The following SLC14A2 variants were observed in gnomAD, a reference collection of about 807,000 sequenced individuals.
SLC14A2 encodes urea transporter 2.
Under a neutral mutation model 104.6 loss-of-function variants are expected in SLC14A2, and 91 were observed. The observed-to-expected ratio is 0.87, with a 90% CI of 0.73 to 1.04. The LOEUF is 1.04. Among genes scored for constraint, SLC14A2 ranks in the 50% least tolerant of loss-of-function variants. The pLI is 0.00. For missense variants in SLC14A2, 1,189 were observed against 1,156.0 expected (o/e 1.03, Z -0.41); for synonymous variants, 476 against 466.4 (o/e 1.02, Z -0.27).
intron 1 of SLC14A2, among the ~76,000 whole-genome samples, chr18:45,256,353 C>T (rs960663020): frequency 2.0e-5 from 3 of 152,212 alleles, no homozygotes; most frequent in African/African-American, 7.2e-5. Flanking sequence ...TTGACATCAT[C>T]TTCATTTCAA....
In SLC14A2 at chr18:45,309,013, T is replaced by C. The variant is rs559098340; in HGVS notation, c.-125+95822T>C. ...CGTACTTCTCCCTTCCCTGTTCTCCTGGCATTATTTCTACAGAATATCTGA... is the reference window on the plus strand; with the variant it reads ...CGTACTTCTCCCTTCCCTGTTCTCCCGGCATTATTTCTACAGAATATCTGA... On this transcript the variant is annotated intron_variant, in intron 1 of 20. Coordinates refer to the SLC14A2 transcript ENST00000586448. 1.0e-3 allele frequency among the ~76,000 whole-genome samples: 157 copies of C among 152,328 alleles called. 1 individual carries two copies. Among genetic ancestry groups the C allele is most frequent in the African/African-American group, 3.4e-3 (143 of 41,572 alleles).
intron 1 of SLC14A2, among the ~76,000 whole-genome samples, chr18:45,320,127 A>G (rs2085170501): frequency 6.6e-6 from 1 of 152,236 alleles, no homozygotes; most frequent in Non-Finnish European, 1.5e-5. Flanking sequence ...AAAATTAAAA[A>G]GTACTTTCAC....
At chr18:45,264,648 GAC>G (rs1018149732) in intron 1 of SLC14A2, among the ~76,000 whole-genome samples, 3 of 152,242 alleles carry the variant, frequency 2.0e-5, no homozygotes, top group Middle Eastern at 6.8e-3. Flanking sequence ...GAGAATGAGA[GAC>G]AACCGGAAGG....
At chr18:45,232,243 G>A (rs2084182065) in intron 1 of SLC14A2, among the ~76,000 whole-genome samples, 1 of 152,160 alleles carries the variant, frequency 6.6e-6, no homozygotes, top group Admixed American at 6.5e-5. Context: ...AATTATGGTG[G>A]AAGGTAAAGG....
upstream of SLC14A2, chr18:45,212,856 G>C (rs1054519786): frequency 6.6e-6 from 1 of 152,086 alleles, no homozygotes; most frequent in Non-Finnish European, 1.5e-5. Flanking sequence ...AAACTGATCC[G>C]ATCCCTCTGT....
At chr18:45,555,901 A>G (rs2044126673) in intron 2 of SLC14A2, among the ~76,000 whole-genome samples, 1 of 152,134 alleles carries the variant, frequency 6.6e-6, no homozygotes, top group Non-Finnish European at 1.5e-5. Flanking sequence ...CCAATTCCAC[A>G]TCGTTGGCAT....
At chr18:45,220,044 T>C (rs1350455113) in intron 1 of SLC14A2, among the ~76,000 whole-genome samples, 2 of 152,220 alleles carry the variant, frequency 1.3e-5, no homozygotes, top group Non-Finnish European at 2.9e-5. Context: ...TACTTTGTTT[T>C]CTGACAGACA....
At chr18:45,312,976 C>T (rs1317448999) in intron 1 of SLC14A2, among the ~76,000 whole-genome samples, 1 of 152,190 alleles carries the variant, frequency 6.6e-6, no homozygotes, top group Admixed American at 6.5e-5. Context: ...GGAGGACATA[C>T]ATGGTGCACA....
intron 2 of SLC14A2, chr18:45,492,160 G>A (rs1343091483): frequency 6.6e-6 from 1 of 152,180 alleles, no homozygotes; most frequent in Non-Finnish European, 1.5e-5. Flanking sequence ...AAGATGGGGA[G>A]GGCAAAATGG....
intron 1 of SLC14A2, among the ~76,000 whole-genome samples, chr18:45,386,283 T>A (rs548636906): frequency 6.6e-6 from 1 of 152,298 alleles, no homozygotes; most frequent in East Asian, 1.9e-4. Context: ...AAATGTCTCA[T>A]GGAAATTTCA....
At position 45,644,180 on chromosome 18, in the gene SLC14A2, G is replaced by C; in HGVS notation, c.1351+20G>C. ...CCAGCGGTGAATAGCCATGTTCGGG[G>C]AAGAAACGCTCTTTGCCTGACCTGA... On this transcript the variant is annotated intron_variant, in intron 10 of 19. Coordinates refer to ENST00000255226, the MANE Select transcript of SLC14A2 (RefSeq NM_007163.4). The C allele has an allele frequency of 6.2e-7, 1 of 1,612,994 alleles. No individual in the cohort carries two copies. Among genetic ancestry groups the C allele is most frequent in the South Asian group, 1.1e-5 (1 of 90,962 alleles).
intron 1 of SLC14A2, among the ~76,000 whole-genome samples, chr18:45,456,687 A>G (rs1349775303): frequency 6.6e-6 from 1 of 151,924 alleles, no homozygotes; most frequent in Admixed American, 6.5e-5. Flanking sequence ...TTGTGATGAA[A>G]GTTCACCTTC....
intron 1 of SLC14A2, among the ~76,000 whole-genome samples, chr18:45,415,652 C>A (rs1024586445): frequency 6.6e-6 from 1 of 152,080 alleles, no homozygotes; most frequent in Non-Finnish European, 1.5e-5. Flanking sequence ...GGTCAAAAAG[C>A]CAGGTGGCCA....
At chr18:45,370,623 G>A (rs1173158904) in intron 1 of SLC14A2, among the ~76,000 whole-genome samples, 1 of 152,134 alleles carries the variant, frequency 6.6e-6, no homozygotes, top group East Asian at 1.9e-4. Context: ...TTGCAAAATA[G>A]CAGTGCTTAG....
intron 1 of SLC14A2, among the ~76,000 whole-genome samples, chr18:45,409,180 G>A (rs1411330557): frequency 3.9e-5 from 6 of 152,188 alleles, no homozygotes; most frequent in Non-Finnish European, 5.9e-5. Context: ...GTCAACAAAT[G>A]CATCTGAGTC....
chr18:45,224,773 G>T (rs1290274354), intron 1 of SLC14A2, among the ~76,000 whole-genome samples: 2 of 152,178 alleles, frequency 1.3e-5, no homozygotes, highest in Admixed American at 1.3e-4. Flanking sequence ...GTAAGTGACA[G>T]ACCTGGGATT....
chr18:45,521,742 G>C (rs918372643), intron 2 of SLC14A2, among the ~76,000 whole-genome samples: 1 of 152,068 alleles, frequency 6.6e-6, no homozygotes, highest in Non-Finnish European at 1.5e-5. Flanking sequence ...CTTGGTGAGT[G>C]TGTCAAAAAT....
At chr18:45,655,183 C>G (rs2045811763) in intron 10 of SLC14A2, among the ~76,000 whole-genome samples, 1 of 152,238 alleles carries the variant, frequency 6.6e-6, no homozygotes, top group Non-Finnish European at 1.5e-5. Context: ...TAGACCTAGT[C>G]TGTGCAGCCA....
chr18:45,424,830 C>T (rs1238126257), intron 1 of SLC14A2, among the ~76,000 whole-genome samples: 4 of 152,194 alleles, frequency 2.6e-5, no homozygotes, highest in African/African-American at 9.7e-5. Flanking sequence ...TTTGCTATAG[C>T]AACCACTTAT....
Sources: allele counts gnomAD v4.1 joint callset (sites outside exome capture counted in the v4.1 genomes callset), GRCh38; gene constraint gnomAD v4.1.1; transcripts MANE v1.5; gene names NCBI Gene and HGNC (gene_info 2026-07-23, HGNC 2026-07-21).